Variants in GRID2 observed in about 807,000 individuals in gnomAD.
GRID2 encodes the protein glutamate ionotropic receptor delta type subunit 2.
GRID2 carries 33 observed loss-of-function variants against 114.8 expected under a neutral mutation model. That is an observed-to-expected ratio of 0.29 (90% CI 0.22 to 0.38). The LOEUF is 0.38. GRID2 is among the 10% of genes least tolerant of loss of function. The pLI, the probability that GRID2 is intolerant of heterozygous loss-of-function variation, is 1.00. For missense variants in GRID2, 1,184 were observed against 1,257.7 expected (o/e 0.94, Z 0.89); for synonymous variants, 505 against 449.9 (o/e 1.12, Z -1.55).
chr4:93,441,129 G>T (rs1329147404), intron 10 of GRID2, among the ~76,000 whole-genome samples: 1 of 152,040 alleles, frequency 6.6e-6, no homozygotes. Context: ...GAAATCCACG[G>T]TTGGCTATTG....
chr4:92,838,617 A>C (rs1742647066), intron 2 of GRID2, among the ~76,000 whole-genome samples: 1 of 152,132 alleles, frequency 6.6e-6, no homozygotes, highest in African/African-American at 2.4e-5. Flanking sequence ...TTGCATGTAC[A>C]TTTCTATTAT....
rs573359522 is a variant in GRID2, at chr4:92,334,597, T to TA, written c.88+29855dup. On this transcript the variant is annotated intron_variant, in intron 1 of 15. Coordinates refer to ENST00000282020, the MANE Select transcript of GRID2 (RefSeq NM_001510.4). ...AGGAGTCTCAACTCGTTTTTTTTTT[T>TA]AACAAGCCCACTCTGGCAATAATGA... is the stretch of plus-strand genomic sequence containing the variant. 1.7e-3 allele frequency among the ~76,000 whole-genome samples: 256 copies of TA among 151,980 alleles called. 2 individuals carry two copies. The highest frequency in any genetic ancestry group is 6.0e-3 in the African/African-American group (247 of 41,464).
At chr4:93,354,528 C>CCAAT (rs1334089010) in intron 8 of GRID2, among the ~76,000 whole-genome samples, 2 of 151,764 alleles carry the variant, frequency 1.3e-5, no homozygotes, top group Non-Finnish European at 2.9e-5. Flanking sequence ...TTATACATTA[C>CCAAT]CAATCCCTGT....
intron 4 of GRID2, among the ~76,000 whole-genome samples, chr4:93,170,033 G>GT (rs1046547794): frequency 1.3e-5 from 2 of 152,122 alleles, no homozygotes; most frequent in East Asian, 1.9e-4. Context: ...TATAGGCTAT[G>GT]TTTTTTGGCA....
chr4:92,797,370 G>A (rs1179928112), intron 2 of GRID2, among the ~76,000 whole-genome samples: 2 of 151,920 alleles, frequency 1.3e-5, no homozygotes, highest in African/African-American at 2.4e-5. Context: ...CATTGCAATA[G>A]CAATGGGAGT....
intron 1 of GRID2, among the ~76,000 whole-genome samples, chr4:92,376,538 A>C (rs576414442): frequency 9.6e-4 from 146 of 152,204 alleles, no homozygotes; most frequent in Non-Finnish European, 1.7e-3. Flanking sequence ...TCTGGAGGAA[A>C]GTGGCCCTCT....
At chr4:92,935,613 C>T (rs141530870) in intron 2 of GRID2, among the ~76,000 whole-genome samples, 2,457 of 146,546 alleles carry the variant, frequency 0.017, 239 homozygotes, top group East Asian at 0.07. Context: ...CTATTCACAA[C>T]AGCAAAGACT....
At position 93,692,801 on chromosome 4, in the gene GRID2, C is replaced by T. The variant is rs572943679; in HGVS notation, c.2360+66366C>T. 7.6e-4 allele frequency among the ~76,000 whole-genome samples: 115 copies of T among 152,236 alleles called. 1 individual carries two copies. The highest frequency in any genetic ancestry group is 1.2e-3 in the Non-Finnish European group (85 of 68,002). On this transcript the variant is annotated intron_variant, in intron 14 of 15. Transcript: ENST00000282020. The stretch of plus-strand genomic sequence containing the variant: ...TTTCTTCATTGACTGAAGGAATGAA[C>T]ATGCTATTTTTTGGTAACTACTTAC...
Position 93,011,084 on chromosome 4 carries a change from T to A in GRID2, c.245-73911T>A, listed in dbSNP as rs1722082927. ...TGATTAGAAATATAATTTTTTAATA[T>A]GTCCAGGTAATTTTTTAAAAATATA... On this transcript the variant is annotated intron_variant, in intron 2 of 15. Transcript: ENST00000282020. Among the ~76,000 whole-genome samples, 3 of 152,098 alleles carry A rather than the reference T, an allele frequency of 2.0e-5. No homozygotes were observed. The South Asian group carries it at 6.2e-4, about 32-fold the overall frequency.
At chr4:92,374,890 G>A (rs1729283252) in intron 1 of GRID2, among the ~76,000 whole-genome samples, 1 of 152,186 alleles carries the variant, frequency 6.6e-6, no homozygotes, top group South Asian at 2.1e-4. Context: ...TCAGATCTGT[G>A]GTTATCAATC....
chr4:92,440,936 A>G (rs62312199), intron 1 of GRID2, among the ~76,000 whole-genome samples: 17 of 151,530 alleles, frequency 1.1e-4, no homozygotes, highest in African/African-American at 2.4e-4. Flanking sequence ...AAGTATATGA[A>G]TCAGGTATGA....
At chr4:92,346,375 T>A (rs1421728720) in intron 1 of GRID2, among the ~76,000 whole-genome samples, 2 of 152,196 alleles carry the variant, frequency 1.3e-5, no homozygotes, top group African/African-American at 2.4e-5. Context: ...TTTTGTTTTG[T>A]TTTGTTTGCG....
intron 4 of GRID2, among the ~76,000 whole-genome samples, chr4:93,197,490 C>T (rs1434370245): frequency 1.3e-5 from 2 of 152,058 alleles, no homozygotes; most frequent in Non-Finnish European, 2.9e-5. Context: ...ACATAGTAAG[C>T]ACTCAACAAA....
intron 2 of GRID2, among the ~76,000 whole-genome samples, chr4:93,041,472 A>G (rs1026900050): frequency 6.6e-6 from 1 of 152,142 alleles, no homozygotes; most frequent in Non-Finnish European, 1.5e-5. Context: ...CTGAAAGTTG[A>G]CATTTCAGAT....
At chr4:93,113,897 C>T (rs72665274) in intron 4 of GRID2, among the ~76,000 whole-genome samples, 10,379 of 151,986 alleles carry the variant, frequency 0.068, 514 homozygotes, top group African/African-American at 0.13. Context: ...ACCACGGAGG[C>T]GGGGCATGCA....
At chr4:92,878,903 A>C (rs1373163132) in intron 2 of GRID2, among the ~76,000 whole-genome samples, 10 of 152,142 alleles carry the variant, frequency 6.6e-5, no homozygotes, top group African/African-American at 7.2e-5. Context: ...CATTTATACA[A>C]ACCCGTGAGG....
At chr4:92,641,039 GA>G (rs1331582340) in intron 2 of GRID2, among the ~76,000 whole-genome samples, 1 of 151,384 alleles carries the variant, frequency 6.6e-6, no homozygotes, top group Non-Finnish European at 1.5e-5. Context: ...GGGAAGGAAA[GA>G]AAAAACTTGT....
intron 14 of GRID2, among the ~76,000 whole-genome samples, chr4:93,695,291 A>G (rs1368212502): frequency 6.6e-6 from 1 of 152,142 alleles, no homozygotes; most frequent in African/African-American, 2.4e-5. Context: ...TTTTTAATTC[A>G]TCCAGAATTT....
At chr4:93,133,471 A>G (rs1331119559) in intron 4 of GRID2, among the ~76,000 whole-genome samples, 1 of 152,220 alleles carries the variant, frequency 6.6e-6, no homozygotes, top group African/African-American at 2.4e-5. Context: ...TTAAGTTGGA[A>G]AGATGAATCC....
Sources: allele counts gnomAD v4.1 joint callset (sites outside exome capture counted in the v4.1 genomes callset), GRCh38; gene constraint gnomAD v4.1.1; transcripts MANE v1.5; gene names NCBI Gene and HGNC (gene_info 2026-07-23, HGNC 2026-07-21).